The following PARD3B variants were observed in gnomAD, a reference collection of about 807,000 sequenced individuals.
The protein encoded by PARD3B is par-3 family cell polarity regulator beta.
PARD3B carries 103 observed loss-of-function variants against 130.2 expected under a neutral mutation model. That is an observed-to-expected ratio of 0.79 (90% CI 0.67 to 0.93). PARD3B has a LOEUF of 0.93. Ranked by LOEUF, PARD3B falls within the 40% of genes least tolerant of loss-of-function variation. The pLI is 0.00. For synonymous variants in PARD3B, 583 were observed against 553.2 expected (o/e 1.05, Z -0.76); for missense variants, 1,609 against 1,499.2 (o/e 1.07, Z -1.21).
chr2:204,899,053 GT>G (rs71032413), intron 2 of PARD3B, among the ~76,000 whole-genome samples: 66,142 of 147,742 alleles, frequency 0.45, 16,889 homozygotes, highest in African/African-American at 0.73. Flanking sequence ...GGAATATTAG[GT>G]TTTTTTTTTT....
intron 2 of PARD3B, among the ~76,000 whole-genome samples, chr2:204,797,250 A>C (rs916678631): frequency 6.6e-6 from 1 of 152,048 alleles, no homozygotes; most frequent in South Asian, 2.1e-4. Context: ...TTAGTATATC[A>C]TTAATAATTA....
chr2:204,856,532 C>T (rs2044946418), intron 2 of PARD3B, among the ~76,000 whole-genome samples: 1 of 152,100 alleles, frequency 6.6e-6, no homozygotes, highest in African/African-American at 2.4e-5. Context: ...GCAGAGGAAA[C>T]AATTTTTAGT....
At chr2:205,540,491 G>A (rs1031334151) in intron 21 of PARD3B, among the ~76,000 whole-genome samples, 3 of 152,060 alleles carry the variant, frequency 2.0e-5, no homozygotes, top group Non-Finnish European at 4.4e-5. Flanking sequence ...ATGGTTCAAT[G>A]CTATTGAAAT....
chr2:204,865,433 A>G (rs1017253765), intron 2 of PARD3B, among the ~76,000 whole-genome samples: 1 of 152,220 alleles, frequency 6.6e-6, no homozygotes, highest in African/African-American at 2.4e-5. Context: ...GCATATATAT[A>G]CCATGGAATA....
chr2:204,942,160 A>T (rs146613732), intron 2 of PARD3B, among the ~76,000 whole-genome samples: 1 of 152,202 alleles, frequency 6.6e-6, no homozygotes, highest in African/African-American at 2.4e-5. Context: ...AAGCAGTTCT[A>T]TGATGCTTGT....
intron 22 of PARD3B, among the ~76,000 whole-genome samples, chr2:205,594,539 C>T (rs1322125418): frequency 6.6e-6 from 1 of 152,138 alleles, no homozygotes; most frequent in East Asian, 1.9e-4. Context: ...TGGGAAATGT[C>T]AGTGAGAGAA....
intron 1 of PARD3B, among the ~76,000 whole-genome samples, chr2:204,601,653 C>T (rs867469787): frequency 1.3e-5 from 2 of 151,920 alleles, no homozygotes; most frequent in African/African-American, 2.4e-5. Flanking sequence ...TTAAGCAGTT[C>T]GTGAACTGCT....
chr2:204,792,986 C>G (rs1159926603), intron 2 of PARD3B, among the ~76,000 whole-genome samples: 2 of 151,832 alleles, frequency 1.3e-5, no homozygotes, highest in Non-Finnish European at 2.9e-5. Context: ...CACTGACATT[C>G]TTTTAGATTT....
chr2:205,362,425 G>A (rs2044424141), intron 18 of PARD3B, among the ~76,000 whole-genome samples: 1 of 152,186 alleles, frequency 6.6e-6, no homozygotes, highest in Non-Finnish European at 1.5e-5. Context: ...CAGTCACACT[G>A]CTGTTAGTTC....
chr2:205,098,928 G>A (rs1702569557), intron 4 of PARD3B, among the ~76,000 whole-genome samples: 1 of 152,124 alleles, frequency 6.6e-6, no homozygotes, highest in Non-Finnish European at 1.5e-5. Flanking sequence ...CCTTGATCCT[G>A]AAAGTGTTGC....
intron 3 of PARD3B, among the ~76,000 whole-genome samples, chr2:204,997,582 A>G (rs1694337426): frequency 6.7e-6 from 1 of 150,234 alleles, no homozygotes; most frequent in East Asian, 1.9e-4. Context: ...TTAAGCCAGA[A>G]AGTATTCTTT....
At chr2:205,443,057 C>T (rs994593355) in intron 20 of PARD3B, among the ~76,000 whole-genome samples, 11 of 152,264 alleles carry the variant, frequency 7.2e-5, no homozygotes, top group African/African-American at 2.4e-4. Flanking sequence ...TGCCCTGCTC[C>T]TTGTTCTTCA....
chr2:204,851,126 A>G (rs937770073), intron 2 of PARD3B, among the ~76,000 whole-genome samples: 8 of 152,214 alleles, frequency 5.3e-5, no homozygotes, highest in African/African-American at 1.9e-4. Flanking sequence ...AAAATGAAGC[A>G]TAGTGATTAC....
At chr2:204,835,702 A>G (rs1575100684) in intron 2 of PARD3B, among the ~76,000 whole-genome samples, 1 of 152,348 alleles carries the variant, frequency 6.6e-6, no homozygotes, top group South Asian at 2.1e-4. Context: ...AGCAGTACCT[A>G]TTCAGTAGAA....
intron 1 of PARD3B, among the ~76,000 whole-genome samples, chr2:204,668,869 C>T (rs1351377803): frequency 6.6e-6 from 1 of 152,088 alleles, no homozygotes; most frequent in African/African-American, 2.4e-5. Context: ...TCAGTGTAAT[C>T]ACAGGGGTCT....
intron 1 of PARD3B, among the ~76,000 whole-genome samples, chr2:204,568,368 C>T (rs567317191): frequency 4.6e-5 from 7 of 152,042 alleles, no homozygotes; most frequent in Non-Finnish European, 1.0e-4. Flanking sequence ...AAATCAGTTG[C>T]CATGGAATTA....
intron 10 of PARD3B, among the ~76,000 whole-genome samples, chr2:205,132,621 G>A (rs1189721898): frequency 2.0e-5 from 3 of 152,082 alleles, no homozygotes; most frequent in Admixed American, 6.6e-5. Flanking sequence ...GCATGCGCCC[G>A]AATCACACAA....
At position 205,584,246 on chromosome 2, in the gene PARD3B, A is replaced by G. The variant is rs183016696; in HGVS notation, c.3260+30843A>G. On this transcript the variant is annotated intron_variant, in intron 22 of 22. Transcript: ENST00000406610. This position sits in a 1 kb window ranked among gnomAD's most constrained non-coding sequence, Gnocchi z 5.5. ...CCAGGTCCCAAGACTTAATGCCAAAAGCAAAAGAATATTAAATATAAATTA... is the reference window on the plus strand; with the variant it reads ...CCAGGTCCCAAGACTTAATGCCAAAGGCAAAAGAATATTAAATATAAATTA... Among the ~76,000 whole-genome samples, 1 of 152,352 alleles carries G rather than the reference A, an allele frequency of 6.6e-6. No individual in the cohort carries two copies. The highest frequency in any genetic ancestry group is 6.5e-5 in the Admixed American group (1 of 15,304).
At position 205,193,087 on chromosome 2, in the gene PARD3B, T is replaced by A. The variant is rs942575765; in HGVS notation, c.2025-118T>A. On this transcript the variant is annotated intron_variant, in intron 14 of 22. Transcript: ENST00000406610. ...CTGAGATTTAAGAATTAGTTGAAAA[T>A]ATGTGGTTGGGAGCTGCGCAGAGTG... 3 of 619,604 alleles carry A rather than the reference T, an allele frequency of 4.8e-6. No homozygotes were observed. The African/African-American group carries it at 5.6e-5, about 12-fold the overall frequency. 38.4% of individuals were successfully genotyped at this position (619,604 alleles called of 1,614,324 possible).
Sources: gnomAD v4.1 joint callset for allele counts (sites outside exome capture counted in the v4.1 genomes callset) on GRCh38, gnomAD v4.1.1 for gene constraint, Gnocchi (gnomAD v3.1) non-coding constraint, MANE v1.5 for transcripts, NCBI Gene and HGNC (gene_info 2026-07-23, HGNC 2026-07-21) for gene names.